ZFP36L1: variants seen among roughly 807,000 people sequenced by gnomAD.
ZFP36L1 encodes the protein ZFP36 like 1 zinc finger CCCH-type.
ZFP36L1 carries 4 observed loss-of-function variants against 16.7 expected under a neutral mutation model. The observed-to-expected ratio is 0.24, with a 90% CI of 0.12 to 0.55. The LOEUF is 0.55. Among genes scored for constraint, ZFP36L1 ranks in the 20% least tolerant of loss-of-function variants. The pLI is 0.94. For synonymous variants in ZFP36L1, 220 were observed against 190.8 expected (o/e 1.15, Z -1.26); for missense variants, 311 against 449.2 (o/e 0.69, Z 2.78).
At chr14:68,792,678 A>C (rs549320104) in intron 1 of ZFP36L1, among the ~76,000 whole-genome samples, 1 of 152,160 alleles carries the variant, frequency 6.6e-6, no homozygotes, top group Admixed American at 6.5e-5. Flanking sequence ...TTCACATGTA[A>C]TCCCCGCCAG....
Position 68,789,069 on chromosome 14 carries a change from A to ACC in ZFP36L1, c.*462_*463dup, listed in dbSNP as rs1260305271. ...AGGGGGCTGCTGGTTCCGGGTCTCC[A>ACC]CCCCGCCATGGGCAGAGGCTCCGGG... On this transcript the variant is annotated 3_prime_UTR_variant, in exon 2 of 2. Coordinates refer to ENST00000439696, the MANE Select transcript of ZFP36L1 (RefSeq NM_004926.4). The surrounding 1 kb of genome is among the most constrained non-coding windows in gnomAD (Gnocchi z 4.5). The ACC allele has an allele frequency of 6.4e-6, 1 of 157,286 alleles. No homozygotes were observed. Among genetic ancestry groups the ACC allele is most frequent in the Non-Finnish European group, 1.4e-5 (1 of 70,738 alleles). 9.7% of individuals were successfully genotyped at this position (157,286 alleles called of 1,614,324 possible). A position where few individuals can be genotyped will look rare whatever the true frequency, so the allele number is the denominator to read the frequency against.
chr14:68,793,846 G>C (rs12889006), upstream of ZFP36L1: 449,405 of 984,420 alleles, frequency 0.46, 104,383 homozygotes, highest in East Asian at 0.77. Context: ...GTCTGGCGGG[G>C]GCGAGCGCGG....
At position 68,789,471 on chromosome 14, in the gene ZFP36L1, G is replaced by A; in HGVS notation, c.*62C>T. On this transcript the variant is annotated 3_prime_UTR_variant, in exon 2 of 2. Transcript: ENST00000439696. The surrounding 1 kb of genome is among the most constrained non-coding windows in gnomAD (Gnocchi z 4.5). ...GGAATGGGATGGGTAGGGAGAAGAG[G>A]GTATGGGATGTGGGTGCAGGGTAGG... is the stretch of plus-strand genomic sequence containing the variant. The A allele has an allele frequency of 6.2e-7, 1 of 1,607,412 alleles. No homozygotes were observed. Among genetic ancestry groups the A allele is most frequent in the East Asian group, 2.2e-5 (1 of 44,828 alleles).
At chr14:68,792,536 C>G (rs534087211) in intron 1 of ZFP36L1, among the ~76,000 whole-genome samples, 2 of 152,274 alleles carry the variant, frequency 1.3e-5, no homozygotes, top group African/African-American at 4.8e-5. Flanking sequence ...ATCAGACCAG[C>G]AAACCTGGGA....
upstream of ZFP36L1, chr14:68,794,467 C>G (rs991651702): frequency 6.6e-6 from 1 of 152,272 alleles, no homozygotes; most frequent in African/African-American, 2.4e-5. Flanking sequence ...GCCCCCTGCG[C>G]CTTGGCCCGA....
At position 68,789,472 on chromosome 14, in the gene ZFP36L1, G is replaced by C; in HGVS notation, c.*61C>G. 1 of 1,607,576 alleles carries C rather than the reference G, an allele frequency of 6.2e-7. No homozygotes were observed. The highest frequency in any genetic ancestry group is 8.5e-7 in the Non-Finnish European group (1 of 1,177,358). ...GAATGGGATGGGTAGGGAGAAGAGG[G>C]TATGGGATGTGGGTGCAGGGTAGGG... On this transcript the variant is annotated 3_prime_UTR_variant, in exon 2 of 2. Transcript: ENST00000439696. The surrounding 1 kb of genome is among the most constrained non-coding windows in gnomAD (Gnocchi z 4.5).
At chr14:68,793,975 T>C (rs1594719437), upstream of ZFP36L1, 5 of 973,636 alleles carry the variant, frequency 5.1e-6, no homozygotes, top group South Asian at 2.4e-4. Flanking sequence ...GATTGTTTGT[T>C]TTACCAGGCC....
chr14:68,795,279 T>C (rs571508585), upstream of ZFP36L1, among the ~76,000 whole-genome samples: 364 of 152,116 alleles, frequency 2.4e-3, 4 homozygotes, highest in African/African-American at 7.9e-3. Flanking sequence ...CGGTTTTTTA[T>C]TCCCCCGGCC....
Position 68,787,717 on chromosome 14 carries a change from AG to A in ZFP36L1, c.*1815del, listed in dbSNP as rs1410039837. 6.8e-6 allele frequency: 1 copy of A among 147,886 alleles called. No individual in the cohort carries two copies. Among genetic ancestry groups the A allele is most frequent in the African/African-American group, 2.5e-5 (1 of 39,820 alleles). The allele number at this position is 147,886 out of a possible 1,614,324, so 9.2% of individuals were successfully genotyped here. A position where few individuals can be genotyped will look rare whatever the true frequency, so the allele number is the denominator to read the frequency against. On this transcript the variant is annotated 3_prime_UTR_variant, in exon 2 of 2. Coordinates refer to ENST00000439696, the MANE Select transcript of ZFP36L1 (RefSeq NM_004926.4). ...TAAACTGCAAATAGTCGTTACAAAAAGTTTTTTTTTCTTTTAAATAAATTCA... is the reference window on the plus strand; with the variant it reads ...TAAACTGCAAATAGTCGTTACAAAAATTTTTTTTTCTTTTAAATAAATTCA...
At chr14:68,794,751 C>CTT (rs1895203612), upstream of ZFP36L1, 9 of 152,482 alleles carry the variant, frequency 5.9e-5, no homozygotes, top group Admixed American at 2.0e-4. Context: ...TTTTTTAAAA[C>CTT]TGCATTTCTT....
chr14:68,796,066 C>T, upstream of ZFP36L1: 1 of 1,347,960 alleles, frequency 7.4e-7, no homozygotes, highest in Non-Finnish European at 9.9e-7. Context: ...AGGCTGGCCG[C>T]CGCCTCACCT....
chr14:68,790,066 G>A lies in ZFP36L1; in HGVS notation c.484C>T (p.His162Tyr). The A allele has an allele frequency of 6.2e-7, 1 of 1,611,236 alleles. No homozygotes were observed. The highest frequency in any genetic ancestry group is 8.5e-7 in the Non-Finnish European group (1 of 1,178,740). Residue 162 changes from histidine to tyrosine, a missense_variant, in exon 2 of 2, where the codon CAC becomes TAC. By Grantham distance (83) the His-to-Tyr change is moderately conservative (BLOSUM62 2). Coordinates refer to ENST00000439696, the MANE Select transcript of ZFP36L1 (RefSeq NM_004926.4). ...KYKTELCRTF[H>Y]TIGFCPYGPR... ...CCGTAGGGGCAAAAGCCGATGGTGT[G>A]GAAGGTGCGGCACAGCTCCGTCTTG...
At position 68,789,345 on chromosome 14, in the gene ZFP36L1, G is replaced by T; in HGVS notation, c.*188C>A. On this transcript the variant is annotated 3_prime_UTR_variant, in exon 2 of 2. Coordinates refer to ENST00000439696, the MANE Select transcript of ZFP36L1 (RefSeq NM_004926.4). This position sits in a 1 kb window ranked among gnomAD's most constrained non-coding sequence, Gnocchi z 4.5. ...GAAGAAGCTACTGACAAATTGACTT[G>T]TCCTTATGTTAGGTGGGGTTATGAG... 1.2e-6 allele frequency: 1 copy of T among 802,336 alleles called. No homozygotes were observed. Among genetic ancestry groups the T allele is most frequent in the Non-Finnish European group, 1.9e-6 (1 of 527,564 alleles). 49.7% of individuals were successfully genotyped at this position (802,336 alleles called of 1,614,324 possible). A position where few individuals can be genotyped will look rare whatever the true frequency, so the allele number is the denominator to read the frequency against.
intron 1 of ZFP36L1, among the ~76,000 whole-genome samples, chr14:68,792,383 T>G (rs536471859): frequency 1.3e-5 from 2 of 152,220 alleles, no homozygotes; most frequent in South Asian, 2.1e-4. Flanking sequence ...AACTTGGCCT[T>G]TCTTCCTCGC....
At position 68,787,894 on chromosome 14, in the gene ZFP36L1, G is replaced by A. The variant is rs1402675550; in HGVS notation, c.*1639C>T. 6.6e-6 allele frequency: 1 copy of A among 151,410 alleles called. No homozygotes were observed. The highest frequency in any genetic ancestry group is 2.4e-5 in the African/African-American group (1 of 41,076). The allele number at this position is 151,410 out of a possible 1,614,324, so 9.4% of individuals were successfully genotyped here. On this transcript the variant is annotated 3_prime_UTR_variant, in exon 2 of 2. Coordinates refer to ENST00000439696, the MANE Select transcript of ZFP36L1 (RefSeq NM_004926.4). ...AGAACCTCAAATCTGTGAGTGGAATGTCTTGAGATGGGCACGTGGAAGTCA... is the reference window on the plus strand; with the variant it reads ...AGAACCTCAAATCTGTGAGTGGAATATCTTGAGATGGGCACGTGGAAGTCA...
rs1401666500 is a variant in ZFP36L1 at position 68,789,498 on chromosome 14, G to A, written c.*35C>T. 1.2e-6 allele frequency: 2 copies of A among 1,612,002 alleles called. No individual in the cohort carries two copies. ...TATGGGATGTGGGTGCAGGGTAGGGGCTGGAGTAGGCAGGAGGTCCCTCCC... is the reference window on the plus strand; with the variant it reads ...TATGGGATGTGGGTGCAGGGTAGGGACTGGAGTAGGCAGGAGGTCCCTCCC... On this transcript the variant is annotated 3_prime_UTR_variant, in exon 2 of 2. Coordinates refer to ENST00000439696, the MANE Select transcript of ZFP36L1 (RefSeq NM_004926.4). The surrounding 1 kb of genome is among the most constrained non-coding windows in gnomAD (Gnocchi z 4.5).
rs778922328 is a variant in ZFP36L1, at chr14:68,789,674, G to C, written c.876C>G (p.Pro292=). The C allele has an allele frequency of 6.2e-7, 1 of 1,614,046 alleles. No homozygotes were observed. Among genetic ancestry groups the C allele is most frequent in the Non-Finnish European group, 8.5e-7 (1 of 1,179,952 alleles). Residue 292 remains proline (P), a synonymous_variant, in exon 2 of 2, where the codon CCC becomes CCG. Coordinates refer to ENST00000439696, the MANE Select transcript of ZFP36L1 (RefSeq NM_004926.4). The surrounding 1 kb of genome is among the most constrained non-coding windows in gnomAD (Gnocchi z 4.5). ...CCGAGAGAGAATCCTGAGGGCTGGG[G>C]GGAGAGTCAAACATGTGAGGGGACT... ...MSESPHMFDS[P]PSPQDSLSDQ... is the part of the protein sequence containing the mutation.
intron 1 of ZFP36L1, among the ~76,000 whole-genome samples, chr14:68,792,103 C>T (rs557208157): frequency 6.6e-6 from 1 of 152,286 alleles, no homozygotes; most frequent in Admixed American, 6.5e-5. Flanking sequence ...CACTGGCTGA[C>T]AAGCAACATG....
Position 68,788,588 on chromosome 14 carries a change from C to T in ZFP36L1, c.*945G>A, listed in dbSNP as rs1894973682. On this transcript the variant is annotated 3_prime_UTR_variant, in exon 2 of 2. Coordinates refer to ENST00000439696, the MANE Select transcript of ZFP36L1 (RefSeq NM_004926.4). The stretch of plus-strand genomic sequence containing the variant: ...AATGAATACCATTAACTGCTCACCC[C>T]TTACTTTTTTTTTTTTAGCTTTTCT... 1 of 151,630 alleles carries T rather than the reference C, an allele frequency of 6.6e-6. No individual in the cohort carries two copies. The highest frequency in any genetic ancestry group is 1.5e-5 in the Non-Finnish European group (1 of 67,802). The allele number at this position is 151,630 out of a possible 1,614,324, so 9.4% of individuals were successfully genotyped here.
Sources: allele counts gnomAD v4.1 joint callset (sites outside exome capture counted in the v4.1 genomes callset), GRCh38; gene constraint gnomAD v4.1.1; non-coding constraint Gnocchi (gnomAD v3.1); transcripts MANE v1.5; gene names NCBI Gene and HGNC (gene_info 2026-07-23, HGNC 2026-07-21).